NEGR1: variants seen among roughly 807,000 people sequenced by gnomAD.
NEGR1 encodes neuronal growth regulator 1.
A neutral mutation model predicts 40.9 loss-of-function variants in NEGR1; 10 were observed. The ratio of observed to expected loss-of-function variants is 0.24; its 90% CI spans 0.15 to 0.42. NEGR1 has a LOEUF of 0.42. NEGR1 is among the 10% of genes least tolerant of loss of function. The pLI is 1.00. For missense variants in NEGR1, 352 were observed against 438.9 expected, an observed-to-expected ratio of 0.80 and a Z score of 1.77; for synonymous variants, 185 against 166.8, an observed-to-expected ratio of 1.11 and a Z score of -0.84.
chr1:71,480,437 A>C (rs1378039015), intron 6 of NEGR1, among the ~76,000 whole-genome samples: 1 of 151,826 alleles, frequency 6.6e-6, no homozygotes, highest in Non-Finnish European at 1.5e-5. Flanking sequence ...TTCCTTAGAT[A>C]GCATTTATAA....
chr1:71,766,172 CAAAAA>C (rs35894619), intron 3 of NEGR1, among the ~76,000 whole-genome samples: 3 of 109,948 alleles, frequency 2.7e-5, no homozygotes, highest in Admixed American at 9.0e-5. Context: ...GACTCCGTCT[CAAAAA>C]AAAAAAAAAA....
chr1:71,657,522 A>G (rs1238638859), intron 4 of NEGR1, among the ~76,000 whole-genome samples: 1 of 152,214 alleles, frequency 6.6e-6, no homozygotes, highest in Non-Finnish European at 1.5e-5. Flanking sequence ...CTCATTAGAA[A>G]TATCCAACAT....
At chr1:72,132,919 A>C (rs963020055) in intron 1 of NEGR1, among the ~76,000 whole-genome samples, 11 of 152,080 alleles carry the variant, frequency 7.2e-5, no homozygotes, top group African/African-American at 2.4e-4. Flanking sequence ...TGTTTTCTTC[A>C]AGTTATTCTT....
In NEGR1 at chr1:71,776,289, T is replaced by G. The variant is rs1656505114; in HGVS notation, c.418A>C (p.Lys140Gln). 6.3e-7 allele frequency: 1 copy of G among 1,576,400 alleles called. No individual in the cohort carries two copies. The highest frequency in any genetic ancestry group is 8.6e-7 in the Non-Finnish European group (1 of 1,157,724). Residue 140 changes from lysine (K) to glutamine (Q), a missense_variant, in exon 3 of 7, where the codon AAG becomes CAG. Physicochemically the swap from Lys to Gln is moderately conservative, Grantham distance 53 (BLOSUM62 1). This residue lies in a region of NEGR1 where 50 missense variants were observed against 53.0 expected (regional missense o/e 0.94). Transcript: ENST00000357731. Reference protein sequence around the residue: ...QVHLTVQVPPKIYDISNDMTV... With the variant: ...QVHLTVQVPPQIYDISNDMTV... Reference sequence around the variant, plus strand: ...ATATCATTTGAGATGTCATATATCTTAGGAGGAACTGAAATGACAAAATAC... The same window carrying G: ...ATATCATTTGAGATGTCATATATCTGAGGAGGAACTGAAATGACAAAATAC...
intron 3 of NEGR1, among the ~76,000 whole-genome samples, chr1:71,730,648 A>C (rs1009238979): frequency 2.0e-5 from 3 of 149,154 alleles, no homozygotes; most frequent in African/African-American, 7.4e-5. Flanking sequence ...TTTGAAAGCC[A>C]TTTTAAATTC....
intron 1 of NEGR1, among the ~76,000 whole-genome samples, chr1:72,012,392 T>C (rs1318506537): frequency 2.0e-5 from 3 of 152,024 alleles, no homozygotes; most frequent in African/African-American, 7.2e-5. Flanking sequence ...ATTATAAAAG[T>C]GTCACAGGAC....
chr1:71,425,140 T>C (rs1001534091), intron 6 of NEGR1, among the ~76,000 whole-genome samples: 7 of 151,464 alleles, frequency 4.6e-5, no homozygotes, highest in Non-Finnish European at 8.8e-5. Context: ...CAAGATGAAA[T>C]GACTGAGCAG....
intron 3 of NEGR1, among the ~76,000 whole-genome samples, chr1:71,756,425 C>CAAAAAAAAAAAAAAAAAAAAAAAAAAAAA (rs1491453120): frequency 9.1e-6 from 1 of 110,432 alleles, no homozygotes; most frequent in African/African-American, 3.3e-5. Flanking sequence ...AAAAAAAAAC[C>CAAAAAAAAAAAAAAAAAAAAAAAAAAAAA]AAAAAAAACC....
At chr1:72,084,637 C>T (rs1318214860) in intron 1 of NEGR1, among the ~76,000 whole-genome samples, 3 of 152,044 alleles carry the variant, frequency 2.0e-5, no homozygotes, top group African/African-American at 7.3e-5. Context: ...ATGATATTTG[C>T]TTAATACTGA....
intron 1 of NEGR1, among the ~76,000 whole-genome samples, chr1:71,948,366 T>C (rs1299810358): frequency 6.6e-6 from 1 of 151,912 alleles, no homozygotes; most frequent in Non-Finnish European, 1.5e-5. Flanking sequence ...TAAATATGTG[T>C]TTGTAGTCTA....
intron 2 of NEGR1, among the ~76,000 whole-genome samples, chr1:71,841,587 G>A (rs1409943570): frequency 2.6e-5 from 4 of 152,092 alleles, no homozygotes; most frequent in African/African-American, 9.7e-5. Flanking sequence ...TAATGTGGTG[G>A]TTATGAGTAC....
At chr1:72,216,807 AAGTT>A (rs1055124910) in intron 1 of NEGR1, among the ~76,000 whole-genome samples, 49 of 151,666 alleles carry the variant, frequency 3.2e-4, no homozygotes, top group Admixed American at 1.3e-3. Context: ...AACATAATAA[AAGTT>A]AGTTATTATT....
chr1:71,680,334 G>C (rs1243711778), intron 4 of NEGR1, among the ~76,000 whole-genome samples: 1 of 151,852 alleles, frequency 6.6e-6, no homozygotes, highest in Non-Finnish European at 1.5e-5. Context: ...TTCTTTTTGA[G>C]ACTGTTAAAG....
At chr1:71,978,064 G>C (rs1290582592) in intron 1 of NEGR1, among the ~76,000 whole-genome samples, 2 of 152,122 alleles carry the variant, frequency 1.3e-5, no homozygotes, top group East Asian at 3.9e-4. Flanking sequence ...CATTATCAAA[G>C]GTGTGTTTAA....
intron 3 of NEGR1, among the ~76,000 whole-genome samples, chr1:71,758,254 T>A (rs956771829): frequency 2.0e-5 from 3 of 152,092 alleles, no homozygotes; most frequent in Non-Finnish European, 2.9e-5. Context: ...TAGAAAATGA[T>A]CTAGTCATGT....
intron 3 of NEGR1, among the ~76,000 whole-genome samples, chr1:71,745,337 T>G (rs1655348168): frequency 6.6e-6 from 1 of 152,198 alleles, no homozygotes; most frequent in Admixed American, 6.6e-5. Context: ...CTGGCTGCTC[T>G]CTGGACTAAA....
chr1:72,059,618 G>A (rs1456525294), intron 1 of NEGR1, among the ~76,000 whole-genome samples: 1 of 151,534 alleles, frequency 6.6e-6, no homozygotes, highest in Non-Finnish European at 1.5e-5. Context: ...AAATAGTAAA[G>A]AGATTTTAAT....
At chr1:72,262,330 A>G (rs774533488) in intron 1 of NEGR1, among the ~76,000 whole-genome samples, 1 of 152,066 alleles carries the variant, frequency 6.6e-6, no homozygotes, top group African/African-American at 2.4e-5. Flanking sequence ...CCTTCTCCTG[A>G]AGTGAAAGCT....
At chr1:71,937,443 C>G (rs959894066) in intron 1 of NEGR1, among the ~76,000 whole-genome samples, 1 of 152,150 alleles carries the variant, frequency 6.6e-6, no homozygotes, top group African/African-American at 2.4e-5. Flanking sequence ...TCAAGTGTTT[C>G]TGTGTGACCA....
Sources: allele counts gnomAD v4.1 joint callset (sites outside exome capture counted in the v4.1 genomes callset), GRCh38; gene constraint gnomAD v4.1.1; regional missense constraint gnomAD v4.1.1; transcripts MANE v1.5; gene names NCBI Gene and HGNC (gene_info 2026-07-23, HGNC 2026-07-21).